ABCA6: variants seen among roughly 807,000 people sequenced by gnomAD.
ABCA6 encodes ATP binding cassette subfamily A member 6.
ABCA6 carries 164 observed loss-of-function variants against 191.2 expected under a neutral mutation model. The observed-to-expected ratio is 0.86, with a 90% CI of 0.76 to 0.98. The LOEUF is 0.98. Among genes scored for constraint, ABCA6 ranks in the 50% least tolerant of loss-of-function variants. The pLI, the probability that ABCA6 is intolerant of heterozygous loss-of-function variation, is 0.00. For synonymous variants in ABCA6, 636 were observed against 647.7 expected, an observed-to-expected ratio of 0.98 and a Z score of 0.27; for missense variants, 1,958 against 1,894.1, an observed-to-expected ratio of 1.03 and a Z score of -0.63.
At chr17:69,113,190 C>T in intron 15 of ABCA6, 32 bp downstream of exon 15, 1 of 1,580,676 alleles carries the variant, frequency 6.3e-7, no homozygotes, top group East Asian at 2.3e-5. Flanking sequence ...CCAATTGCAT[C>T]ATGGTAACAC....
chr17:69,102,105 G>T (rs1388948253), intron 21 of ABCA6, among the ~76,000 whole-genome samples: 1 of 152,270 alleles, frequency 6.6e-6, no homozygotes, highest in South Asian at 2.1e-4. Context: ...CAGCATTTTG[G>T]GAGGCCAAGG....
Position 69,112,183 on chromosome 17 carries a change from C to CCTAA in ABCA6, c.2131_2132insTTAG (p.Ser711IlefsTer5). On this transcript the variant is annotated frameshift_variant and splice_region_variant, in exon 16 of 39. Coordinates refer to ENST00000284425, the MANE Select transcript of ABCA6 (RefSeq NM_080284.3). LOFTEE classifies it high-confidence loss of function. ...TCCAATCTATTCCCAAAGTCTTTAC[C>CCTAA]TTAGGTGATATCCAAGACCCCACCT... is the stretch of plus-strand genomic sequence containing the variant. The CCTAA allele has an allele frequency of 6.2e-7, 1 of 1,605,906 alleles. No individual in the cohort carries two copies. Among genetic ancestry groups the CCTAA allele is most frequent in the South Asian group, 1.1e-5 (1 of 90,856 alleles).
chr17:69,127,783 C>G (rs566664685), intron 8 of ABCA6, among the ~76,000 whole-genome samples: 12 of 152,102 alleles, frequency 7.9e-5, no homozygotes, highest in African/African-American at 2.9e-4. Flanking sequence ...ACGTAATGAA[C>G]AGAATGAAAT....
At chr17:69,104,234 A>C (rs1266748382) in intron 20 of ABCA6, 1 of 152,058 alleles carries the variant, frequency 6.6e-6, no homozygotes, top group Non-Finnish European at 1.5e-5. Flanking sequence ...TAAACCATAA[A>C]ATACCTAAGT....
At chr17:69,105,994 T>A in intron 19 of ABCA6, 34 bp downstream of exon 19, 2 of 1,537,800 alleles carry the variant, frequency 1.3e-6, no homozygotes, top group Non-Finnish European at 1.7e-6. Context: ...TTGAAATTCA[T>A]GATCTAACAA....
In ABCA6 at chr17:69,114,929, T is replaced by C. The variant is rs1290789719; in HGVS notation, c.1615A>G (p.Thr539Ala). Residue 539 changes from threonine (T) to alanine (A), a missense_variant, in exon 13 of 39, where the codon ACC (threonine) becomes GCC (alanine). By Grantham distance (58) the Thr-to-Ala change is moderately conservative (BLOSUM62 0). Transcript: ENST00000284425. ...TCAGAGAGATTTTTATTATAGATGG[T>C]AACTGATCCTAAGAATAGAAGTTAA... is the stretch of plus-strand genomic sequence containing the variant. ...GLSVPTEGSV[T>A]IYNKNLSEMQ... 8.1e-6 allele frequency: 13 copies of C among 1,604,218 alleles called. No individual in the cohort carries two copies. In the South Asian group the frequency reaches 1.1e-4, roughly 14 times the overall value.
chr17:69,083,326 G>A lies in ABCA6; in HGVS notation c.4361C>T (p.Ala1454Val), dbSNP rs1170659488. 44 of 1,585,626 alleles carry A rather than the reference G, an allele frequency of 2.8e-5. No homozygotes were observed. Among genetic ancestry groups the A allele is most frequent in the Non-Finnish European group, 3.8e-5 (44 of 1,172,302 alleles). ...TGTGTTTTTAACGACTGCCTGGATT[G>A]CCTGCCTGCAGTGAGCAAAAAAATT... ...DPTGQQQMWQAIQAVVKNTER... is the reference protein window; with the variant it reads ...DPTGQQQMWQVIQAVVKNTER... Residue 1454 changes from alanine (A) to valine (V), a missense_variant, in exon 35 of 39, where the codon GCA (alanine) becomes GTA (valine). Ala to Val is a moderately conservative substitution (Grantham distance 64). Coordinates refer to ENST00000284425, the MANE Select transcript of ABCA6 (RefSeq NM_080284.3).
intron 27 of ABCA6, 139 bp from the exon 28 acceptor site, chr17:69,088,397 T>C (rs1316531592): frequency 1.6e-6 from 1 of 629,294 alleles, no homozygotes; most frequent in Non-Finnish European, 2.6e-6. Flanking sequence ...AATGTAGCTA[T>C]ACATTCACAA....
In ABCA6 at chr17:69,133,716, G is replaced by T. The variant is rs1193970995; in HGVS notation, c.716C>A (p.Ser239Ter). Residue 239 changes from serine (S) to a stop codon, truncating the protein, a stop_gained, in exon 6 of 39, where the codon TCA becomes TAA. Transcript: ENST00000284425. LOFTEE classifies it high-confidence loss of function. ...TTTTCTCTCTTTTGTTACATTGAGT[G>T]ATATAAAATATACAAGTGGGGAGAA... is the stretch of plus-strand genomic sequence containing the variant. ...LHFSPLVYFISLNVTKERKKS... is the reference protein window; with the variant it reads ...LHFSPLVYFI 1 of 1,611,014 alleles carries T rather than the reference G, an allele frequency of 6.2e-7. No homozygotes were observed. Among genetic ancestry groups the T allele is most frequent in the Non-Finnish European group, 8.5e-7 (1 of 1,178,014 alleles).
Position 69,086,486 on chromosome 17 carries a change from A to AATATATATATATATATAT in ABCA6, c.3937+114_3937+131dup, listed in dbSNP as rs68086602. On this transcript the variant is annotated intron_variant, in intron 30 of 38. Transcript: ENST00000284425. ...GTCTAAAACACTCCCTGGCACACTA[A>AATATATATATATATATAT]ATATATATATATATATATATATATA... 2.2e-3 allele frequency: 364 copies of AATATATATATATATATAT among 163,254 alleles called. 5 individuals carry two copies. Among genetic ancestry groups the AATATATATATATATATAT allele is most frequent in the East Asian group, 0.022 (99 of 4,568 alleles). The allele number at this position is 163,254 out of a possible 1,614,324, so 10.1% of individuals were successfully genotyped here.
In ABCA6 at chr17:69,096,628, C is replaced by A. The variant is rs1382209996; in HGVS notation, c.3294G>T (p.Leu1098Phe). 1.3e-6 allele frequency: 2 copies of A among 1,517,564 alleles called. No individual in the cohort carries two copies. Among genetic ancestry groups the A allele is most frequent in the Non-Finnish European group, 1.8e-6 (2 of 1,139,126 alleles). 94.0% of individuals were successfully genotyped at this position (1,517,564 alleles called of 1,614,324 possible). A position where few individuals can be genotyped will look rare whatever the true frequency, so the allele number is the denominator to read the frequency against. ...LLITSQIVFA[L>F]VIVTPGYAAS... ...TTGGTTTATGTACTGTGTTACTTAC[C>A]AAAGCAAACACAATTTGGCTTGTAA... The change falls in exon 24 of 39, where the codon TTG becomes TTT. Residue 1098 changes from leucine to phenylalanine, a missense_variant and splice_region_variant. Transcript: ENST00000284425.
chr17:69,084,234 G>A (rs767929655), intron 34 of ABCA6, 27 bp downstream of exon 34: 16 of 1,605,262 alleles, frequency 1.0e-5, no homozygotes, highest in Non-Finnish European at 1.3e-5. Flanking sequence ...GTGCATGCTC[G>A]CAGCTCTGGG....
chr17:69,082,985 T>C lies in ABCA6; in HGVS notation c.4504A>G (p.Asn1502Asp), dbSNP rs1429235172. The change falls in exon 36 of 39, where the codon AAC becomes GAC. Residue 1502 changes from asparagine (N) to aspartate (D), a missense_variant. Coordinates refer to ENST00000284425, the MANE Select transcript of ABCA6 (RefSeq NM_080284.3). ...AGAATGTAATCCTTGCCAAGTTTGT[T>C]TTTCAGGTGTTGGATGGAGCCAATG... ...RCIGSIQHLK[N>D]KLGKDYILEL... The C allele has an allele frequency of 1.9e-6, 3 of 1,614,160 alleles. No homozygotes were observed. Among genetic ancestry groups the C allele is most frequent in the Non-Finnish European group, 2.5e-6 (3 of 1,180,014 alleles).
rs200474902 is a variant in ABCA6 at position 69,113,305 on chromosome 17, A to T, written c.1958T>A (p.Val653Glu). 93 of 1,597,450 alleles carry T rather than the reference A, an allele frequency of 5.8e-5. No homozygotes were observed. Among genetic ancestry groups the T allele is most frequent in the Non-Finnish European group, 1.2e-5 (14 of 1,176,038 alleles). The change falls in exon 15 of 39, where the codon GTG becomes GAG. Residue 653 changes from valine to glutamate, a missense_variant. Val to Glu is a moderately radical substitution (Grantham distance 121, BLOSUM62 -2). Transcript: ENST00000284425. ...TCTACGCTCTCTCAGGAGGCTCCAC[A>T]CTTGATCTCTGGAAAAGGGATCCAA... Reference protein sequence around the residue: ...TGLDPFSRDQVWSLLRERRAD... With the variant: ...TGLDPFSRDQEWSLLRERRAD...
intron 10 of ABCA6, among the ~76,000 whole-genome samples, 168 bp downstream of exon 10, chr17:69,123,071 A>C: frequency 6.6e-6 from 1 of 151,778 alleles, no homozygotes; most frequent in Non-Finnish European, 1.5e-5. Context: ...CTAAATGACG[A>C]GTTAATGGGT....
chr17:69,110,742 A>G (rs930231696), intron 17 of ABCA6, 59 bp downstream of exon 17: 2 of 1,497,496 alleles, frequency 1.3e-6, no homozygotes, highest in Non-Finnish European at 1.8e-6. Flanking sequence ...AAATTATTTT[A>G]ATAATAATGT....
chr17:69,110,495 A>T, intron 17 of ABCA6: 1 of 264,458 alleles, frequency 3.8e-6, no homozygotes, highest in Non-Finnish European at 7.2e-6. Flanking sequence ...CGCTGAGCCC[A>T]CTTACTTCAT....
intron 20 of ABCA6, among the ~76,000 whole-genome samples, chr17:69,103,401 A>T (rs1289184506): frequency 6.6e-6 from 1 of 152,210 alleles, no homozygotes; most frequent in Non-Finnish European, 1.5e-5. Context: ...ATGTGTCTGT[A>T]TAACACATAC....
chr17:69,106,726 G>T (rs9916644), intron 18 of ABCA6, among the ~76,000 whole-genome samples: 144,426 of 152,244 alleles, frequency 0.95, 68,516 homozygotes, highest in East Asian at 1. Flanking sequence ...TTTCTATAGT[G>T]AAGTTTTATA....
Sources: allele counts gnomAD v4.1 joint callset (sites outside exome capture counted in the v4.1 genomes callset), GRCh38; gene constraint gnomAD v4.1.1; transcripts MANE v1.5; gene names NCBI Gene and HGNC (gene_info 2026-07-23, HGNC 2026-07-21).